The following TULP4 variants were observed in gnomAD, a reference collection of about 807,000 sequenced individuals.
The protein encoded by TULP4 is TUB like protein 4, also known as tubby-related protein 4.
Under a neutral mutation model 129.0 loss-of-function variants are expected in TULP4, and 16 were observed. The observed-to-expected ratio is 0.12, with a 90% CI of 0.08 to 0.19. The LOEUF (loss-of-function observed/expected upper bound fraction) is 0.19, where lower values mean the gene tolerates loss of function less well. TULP4 is among the 10% of genes least tolerant of loss of function. The probability of loss-of-function intolerance (pLI) is 1.00; values close to 1 mark genes in which losing one functional copy is unlikely to be tolerated. For missense variants in TULP4, 1,842 were observed against 2,059.1 expected (o/e 0.89, Z 2.04); for synonymous variants, 998 against 854.0 (o/e 1.17, Z -2.94).
intron 1 of TULP4, among the ~76,000 whole-genome samples, chr6:158,233,425 C>T (rs1299481818): frequency 6.6e-6 from 1 of 152,204 alleles, no homozygotes; most frequent in Non-Finnish European, 1.5e-5. Context: ...AAACCCGTTG[C>T]AGGTGTGGGT....
chr6:158,267,549 C>G (rs1410892424), intron 1 of TULP4, among the ~76,000 whole-genome samples: 1 of 152,208 alleles, frequency 6.6e-6, no homozygotes, highest in Non-Finnish European at 1.5e-5. Context: ...CCTCCCACTT[C>G]TGTTGCTCTG....
intron 1 of TULP4, among the ~76,000 whole-genome samples, chr6:158,394,270 G>A (rs932542777): frequency 2.0e-5 from 3 of 152,038 alleles, no homozygotes; most frequent in African/African-American, 2.4e-5. Context: ...TTTTATTGTC[G>A]GTATCACTAT....
At chr6:158,466,269 G>A (rs999044750) in intron 6 of TULP4, among the ~76,000 whole-genome samples, 2 of 152,124 alleles carry the variant, frequency 1.3e-5, no homozygotes, top group African/African-American at 4.8e-5. Context: ...AGTCGATAGG[G>A]GGCTTAGGAT....
chr6:158,336,835 C>T (rs971153159), intron 1 of TULP4, among the ~76,000 whole-genome samples: 24 of 151,988 alleles, frequency 1.6e-4, no homozygotes, highest in African/African-American at 5.8e-4. Flanking sequence ...TCCCTATGAC[C>T]AATTCACTTC....
intron 1 of TULP4, among the ~76,000 whole-genome samples, chr6:158,318,622 A>G (rs995969114): frequency 1.3e-5 from 2 of 152,190 alleles, no homozygotes; most frequent in African/African-American, 4.8e-5. Context: ...GGGGTCTAAC[A>G]TTTTCCTACA....
intron 6 of TULP4, among the ~76,000 whole-genome samples, chr6:158,470,468 G>A (rs1779654227): frequency 6.6e-6 from 1 of 152,206 alleles, no homozygotes; most frequent in South Asian, 2.1e-4. Flanking sequence ...AGAGATGATT[G>A]GCTATTTCTT....
chr6:158,271,649 C>T (rs146821830), intron 1 of TULP4, among the ~76,000 whole-genome samples: 1 of 152,214 alleles, frequency 6.6e-6, no homozygotes, highest in East Asian at 1.9e-4. Flanking sequence ...AGGCTAGTCT[C>T]AAACTCCTGA....
At position 158,392,794 on chromosome 6, in the gene TULP4, CTTTTT is replaced by C. The variant is rs773565295; in HGVS notation, c.253-20250_253-20246del. 4.5e-3 allele frequency among the ~76,000 whole-genome samples: 246 copies of C among 54,638 alleles called. 5 individuals carry two copies. The South Asian group carries it at 0.063, about 14-fold the overall frequency. 35.8% of individuals were successfully genotyped at this position (54,638 alleles called of 152,430 possible). On this transcript the variant is annotated intron_variant, in intron 1 of 13. Transcript: ENST00000367097. ...GTACCTATTGTTTAAATTTGTATTT[CTTTTT>C]TTTTTTTTTTTTTTTTTTTTGAGAT...
intron 1 of TULP4, among the ~76,000 whole-genome samples, chr6:158,325,780 A>G (rs184647758): frequency 3.3e-5 from 5 of 152,108 alleles, no homozygotes; most frequent in Middle Eastern, 6.8e-3. Context: ...AAACTGGCTT[A>G]TCTATTTTTA....
chr6:158,306,539 A>C (rs533910845), intron 1 of TULP4, among the ~76,000 whole-genome samples: 2 of 152,350 alleles, frequency 1.3e-5, no homozygotes, highest in East Asian at 3.9e-4. Flanking sequence ...AGTCTGGGTG[A>C]GAGTGAGACT....
At chr6:158,415,691 T>A (rs1778194085) in intron 2 of TULP4, among the ~76,000 whole-genome samples, 1 of 151,414 alleles carries the variant, frequency 6.6e-6, no homozygotes, top group African/African-American at 2.4e-5. Flanking sequence ...AAAAAAAAGT[T>A]AGCAGTCTCA....
chr6:158,470,693 G>A (rs1422664050), intron 6 of TULP4, among the ~76,000 whole-genome samples: 1 of 152,222 alleles, frequency 6.6e-6, no homozygotes, highest in African/African-American at 2.4e-5. Flanking sequence ...AAGTAGACAT[G>A]AAACATTGGA....
chr6:158,505,869 T>G (rs1456550197), intron 13 of TULP4, among the ~76,000 whole-genome samples: 1 of 152,104 alleles, frequency 6.6e-6, no homozygotes, highest in East Asian at 1.9e-4. Context: ...TCTTTTTTTT[T>G]TTTCTTTTTT....
In TULP4 at chr6:158,508,744, C is replaced by T. The variant is rs1478877115; in HGVS notation, c.*2050C>T. On this transcript the variant is annotated 3_prime_UTR_variant, in exon 14 of 14. Coordinates refer to ENST00000367097, the MANE Select transcript of TULP4 (RefSeq NM_020245.5). ...TATTTATCTTGCTTTTCATAGTGTT[C>T]TTAGGAATTATTTTGTTGTTACGTT... 7.9e-5 allele frequency: 12 copies of T among 152,384 alleles called. No individual in the cohort carries two copies. The highest frequency in any genetic ancestry group is 5.9e-5 in the Non-Finnish European group (4 of 67,998). 9.4% of individuals were successfully genotyped at this position (152,384 alleles called of 1,614,324 possible).
intron 6 of TULP4, among the ~76,000 whole-genome samples, chr6:158,463,538 C>A (rs1779489537): frequency 6.6e-6 from 1 of 151,564 alleles, no homozygotes; most frequent in Non-Finnish European, 1.5e-5. Flanking sequence ...AGGAGATATA[C>A]CTAATGTAAA....
At chr6:158,404,913 G>A (rs1002538841) in intron 1 of TULP4, among the ~76,000 whole-genome samples, 5 of 151,858 alleles carry the variant, frequency 3.3e-5, no homozygotes, top group African/African-American at 7.3e-5. Context: ...ATTTTAAGCC[G>A]AATGAGAACA....
intron 10 of TULP4, 58 bp from the exon 11 acceptor site, chr6:158,494,695 C>T (rs1025075927): frequency 2.0e-6 from 3 of 1,469,570 alleles, no homozygotes; most frequent in Admixed American, 3.5e-5. Flanking sequence ...ACTGAGTGAC[C>T]AGTTGAAAAT....
chr6:158,323,129 A>G (rs967819141), intron 1 of TULP4, among the ~76,000 whole-genome samples: 9 of 152,312 alleles, frequency 5.9e-5, no homozygotes, highest in Non-Finnish European at 7.4e-5. Flanking sequence ...CTGGCTGACA[A>G]GGACAAGGAC....
chr6:158,390,070 CAA>C (rs759986693), intron 1 of TULP4, among the ~76,000 whole-genome samples: 8 of 79,712 alleles, frequency 1.0e-4, no homozygotes, highest in Non-Finnish European at 5.2e-5. Flanking sequence ...GACTCCGTCT[CAA>C]AAAAAAAAAA....
Sources: allele counts gnomAD v4.1 joint callset (sites outside exome capture counted in the v4.1 genomes callset), GRCh38; gene constraint gnomAD v4.1.1; transcripts MANE v1.5; gene names NCBI Gene and HGNC (gene_info 2026-07-23, HGNC 2026-07-21).